LYPD6B: variants seen among roughly 807,000 people sequenced by gnomAD.
The protein encoded by LYPD6B is ly6/PLAUR domain-containing protein 6B.
Under a neutral mutation model 22.8 loss-of-function variants are expected in LYPD6B, and 17 were observed. The ratio of observed to expected loss-of-function variants is 0.75; its 90% CI spans 0.51 to 1.12. LYPD6B has a LOEUF of 1.12. Ranked by LOEUF, LYPD6B falls within the 50% of genes most tolerant of loss-of-function variation. The pLI is 0.00. For missense variants in LYPD6B, 221 were observed against 258.3 expected (o/e 0.86, Z 0.99); for synonymous variants, 106 against 91.6 (o/e 1.16, Z -0.90).
intron 1 of LYPD6B, among the ~76,000 whole-genome samples, chr2:149,065,147 T>C (rs1239451413): frequency 6.6e-6 from 1 of 152,366 alleles, no homozygotes; most frequent in African/African-American, 2.4e-5. Context: ...TGCCTTCTTT[T>C]GTCTCCTTAC....
chr2:149,112,559 G>T (rs62182737), intron 1 of LYPD6B, among the ~76,000 whole-genome samples: 1,904 of 152,084 alleles, frequency 0.013, 20 homozygotes, highest in Non-Finnish European at 0.021. Flanking sequence ...CTAAAATCTG[G>T]CTCGCATATA....
intron 2 of LYPD6B, 42 bp from the exon 3 acceptor site, chr2:149,160,722 G>A (rs200946479): frequency 1.5e-5 from 20 of 1,366,122 alleles, no homozygotes; most frequent in African/African-American, 8.7e-5. Flanking sequence ...GTTACTCATC[G>A]TCAGCAGTGG....
intron 2 of LYPD6B, among the ~76,000 whole-genome samples, chr2:149,152,605 A>C (rs1472150819): frequency 6.6e-6 from 1 of 152,224 alleles, no homozygotes; most frequent in African/African-American, 2.4e-5. Context: ...TTTCTTAGAA[A>C]GGGATAAAGA....
intron 1 of LYPD6B, among the ~76,000 whole-genome samples, chr2:149,090,966 C>G (rs1685624077): frequency 6.6e-6 from 1 of 152,028 alleles, no homozygotes; most frequent in African/African-American, 2.4e-5. Context: ...TGAATTTGTT[C>G]TGGTCCATTC....
intron 1 of LYPD6B, among the ~76,000 whole-genome samples, chr2:149,064,894 C>A (rs1249128951): frequency 6.6e-6 from 1 of 152,170 alleles, no homozygotes; most frequent in South Asian, 2.1e-4. Context: ...ATGATGGTCA[C>A]CTTCTGGTGC....
intron 1 of LYPD6B, among the ~76,000 whole-genome samples, chr2:149,080,072 A>G (rs1270875161): frequency 6.6e-6 from 1 of 152,220 alleles, no homozygotes; most frequent in Non-Finnish European, 1.5e-5. Flanking sequence ...TAACAGAGTA[A>G]CAAACTGGTG....
chr2:149,154,659 A>G (rs984543842), intron 2 of LYPD6B, among the ~76,000 whole-genome samples: 1 of 151,308 alleles, frequency 6.6e-6, no homozygotes, highest in Admixed American at 6.6e-5. Context: ...GATGTTGGCA[A>G]CATTTGGTGA....
intron 1 of LYPD6B, among the ~76,000 whole-genome samples, chr2:149,066,329 C>T (rs1445929307): frequency 6.6e-6 from 1 of 151,768 alleles, no homozygotes; most frequent in East Asian, 1.9e-4. Context: ...CTCCCCCGTC[C>T]CCCCACCCCA....
At chr2:149,041,447 C>T (rs574566199) in intron 1 of LYPD6B, among the ~76,000 whole-genome samples, 1 of 152,310 alleles carries the variant, frequency 6.6e-6, no homozygotes, top group African/African-American at 2.4e-5. Context: ...TGGTCTAACG[C>T]TTACCCTGAA....
chr2:149,185,304 C>T (rs966129021), intron 3 of LYPD6B, among the ~76,000 whole-genome samples: 1 of 152,148 alleles, frequency 6.6e-6, no homozygotes, highest in African/African-American at 2.4e-5. Flanking sequence ...GCAGTGATTG[C>T]CATCTGCTGA....
Position 149,170,528 on chromosome 2 carries a change from T to C in LYPD6B, c.77+9693T>C, listed in dbSNP as rs144108000. ...TTAAATTTGGATGTATGGGTAGTTA[T>C]AGAAATCAATATTGATAGGCATGTG... On this transcript the variant is annotated intron_variant, in intron 3 of 6. Transcript: ENST00000409642. 1.8e-3 allele frequency among the ~76,000 whole-genome samples: 269 copies of C among 152,338 alleles called. 1 individual carries two copies. Among genetic ancestry groups the C allele is most frequent in the African/African-American group, 6.2e-3 (259 of 41,580 alleles).
chr2:149,094,656 T>C (rs373343094), intron 1 of LYPD6B, among the ~76,000 whole-genome samples: 1 of 152,270 alleles, frequency 6.6e-6, no homozygotes, highest in East Asian at 1.9e-4. Flanking sequence ...AAAAATAGAT[T>C]TTACTTTAAA....
intron 1 of LYPD6B, among the ~76,000 whole-genome samples, chr2:149,069,401 T>G (rs1684493702): frequency 6.6e-6 from 1 of 152,154 alleles, no homozygotes; most frequent in Non-Finnish European, 1.5e-5. Flanking sequence ...GCGGTGGAAT[T>G]GTTTATGAAT....
At chr2:149,045,498 TA>T (rs1392330940) in intron 1 of LYPD6B, among the ~76,000 whole-genome samples, 2 of 152,060 alleles carry the variant, frequency 1.3e-5, no homozygotes, top group Non-Finnish European at 2.9e-5. Context: ...GATAAGCTTA[TA>T]TTACTGATTT....
At chr2:149,096,670 G>A in intron 1 of LYPD6B, among the ~76,000 whole-genome samples, 1 of 152,158 alleles carries the variant, frequency 6.6e-6, no homozygotes, top group East Asian at 1.9e-4. Context: ...TTAAACCTCT[G>A]AATATCCCTG....
At chr2:149,107,845 A>G (rs1334930960) in intron 1 of LYPD6B, among the ~76,000 whole-genome samples, 4 of 152,232 alleles carry the variant, frequency 2.6e-5, no homozygotes, top group African/African-American at 9.6e-5. Context: ...TCTGCTTTGA[A>G]AGGGTGGAGG....
At chr2:149,150,667 T>C (rs981526914) in intron 2 of LYPD6B, among the ~76,000 whole-genome samples, 1 of 152,170 alleles carries the variant, frequency 6.6e-6, no homozygotes, top group African/African-American at 2.4e-5. Context: ...TATTTTTTCA[T>C]TCATTTTGCT....
chr2:149,186,171 G>C (rs1692087663), intron 3 of LYPD6B, among the ~76,000 whole-genome samples: 1 of 152,270 alleles, frequency 6.6e-6, no homozygotes, highest in Non-Finnish European at 1.5e-5. Flanking sequence ...CAGGCTGAAA[G>C]CTCGGCCTCT....
At chr2:149,119,923 G>A (rs965927615) in intron 1 of LYPD6B, among the ~76,000 whole-genome samples, 3 of 151,958 alleles carry the variant, frequency 2.0e-5, no homozygotes, top group African/African-American at 7.3e-5. Context: ...TGAGGCATGT[G>A]GATGAAAGCA....
Sources: gnomAD v4.1 joint callset for allele counts (sites outside exome capture counted in the v4.1 genomes callset) on GRCh38, gnomAD v4.1.1 for gene constraint, MANE v1.5 for transcripts, NCBI Gene and HGNC (gene_info 2026-07-23, HGNC 2026-07-21) for gene names.